The following IL4I1 variants were observed in gnomAD, a reference collection of about 807,000 sequenced individuals.
IL4I1 encodes the protein L-amino-acid oxidase.
A neutral mutation model predicts 29.7 loss-of-function variants in IL4I1; 24 were observed. That is an observed-to-expected ratio of 0.81 (90% confidence interval 0.59 to 1.14). The LOEUF is 1.14. Ranked by LOEUF, IL4I1 falls within the 50% of genes most tolerant of loss-of-function variation. IL4I1 has a pLI of 0.00. For synonymous variants in IL4I1, 371 were observed against 352.5 expected (o/e 1.05, Z -0.59); for missense variants, 686 against 785.6 (o/e 0.87, Z 1.52).
At chr19:49,919,434 C>T (rs1315251310) in intron 2 of IL4I1, among the ~76,000 whole-genome samples, 1 of 152,200 alleles carries the variant, frequency 6.6e-6, no homozygotes, top group East Asian at 1.9e-4. Context: ...TTTAAGCAGG[C>T]TTATTCTCCT....
chr19:49,900,287 G>A (rs1190050050), upstream of IL4I1, among the ~76,000 whole-genome samples: 4 of 152,166 alleles, frequency 2.6e-5, no homozygotes, highest in Admixed American at 2.0e-4. Context: ...GCGCAAGTCA[G>A]CTGGTTCAGG....
intron 2 of IL4I1, among the ~76,000 whole-genome samples, chr19:49,911,737 T>C (rs574182207): frequency 3.3e-5 from 5 of 152,326 alleles, no homozygotes; most frequent in Admixed American, 2.6e-4. Flanking sequence ...GCATTCAAAA[T>C]ACACAAGGCT....
At chr19:49,909,118 G>C (rs1324160680) in intron 2 of IL4I1, 1 of 1,612,560 alleles carries the variant, frequency 6.2e-7, no homozygotes, top group African/African-American at 1.3e-5. Flanking sequence ...TGGCAGATGA[G>C]GTTGGAGCAG....
intron 2 of IL4I1, among the ~76,000 whole-genome samples, chr19:49,913,580 G>A (rs1489787196): frequency 2.0e-5 from 3 of 152,244 alleles, no homozygotes; most frequent in East Asian, 1.9e-4. Flanking sequence ...AGGGAGAACT[G>A]AGCACTGTCC....
At chr19:49,891,760 A>G (rs1442478728) in intron 5 of IL4I1, among the ~76,000 whole-genome samples, 4 of 151,944 alleles carry the variant, frequency 2.6e-5, no homozygotes, top group Non-Finnish European at 2.9e-5. Flanking sequence ...TATTTTGCCT[A>G]TTTTTCAGCC....
intron 5 of IL4I1, among the ~76,000 whole-genome samples, chr19:49,892,429 G>A (rs988609384): frequency 6.6e-6 from 1 of 152,026 alleles, no homozygotes; most frequent in African/African-American, 2.4e-5. Context: ...CACTCTCTTT[G>A]CCCTGAATCT....
In IL4I1 at chr19:49,889,832, C is replaced by G. The variant is rs1319641872; in HGVS notation, c.1542G>C (p.Thr514=). The G allele has an allele frequency of 7.0e-6, 11 of 1,571,072 alleles. No individual in the cohort carries two copies. Among genetic ancestry groups the G allele is most frequent in the Non-Finnish European group, 9.5e-6 (11 of 1,157,844 alleles). The change falls in exon 8 of 8, where the codon ACG becomes ACC. Residue 514 remains threonine (T), a synonymous_variant. Coordinates refer to ENST00000391826, the MANE Select transcript of IL4I1 (RefSeq NM_152899.2). ...INSRKGPASD[T]ASPEGHASDM... The stretch of plus-strand genomic sequence containing the variant: ...CAGATGCGTGCCCCTCGGGGCTGGC[C>G]GTGTCCGATGCAGGCCCCTTCCGGC...
upstream of IL4I1, among the ~76,000 whole-genome samples, chr19:49,897,356 T>C (rs556836032): frequency 8.5e-5 from 13 of 152,216 alleles, no homozygotes; most frequent in South Asian, 1.9e-3. Context: ...ACCCAGAGCC[T>C]CAGTCTCCCC....
At chr19:49,893,441 C>T (rs2075164124) in intron 5 of IL4I1, among the ~76,000 whole-genome samples, 1 of 151,444 alleles carries the variant, frequency 6.6e-6, no homozygotes, top group Non-Finnish European at 1.5e-5. Context: ...CCCGTGACTG[C>T]GGGATGGTGG....
intron 2 of IL4I1, chr19:49,906,718 G>C (rs2075330064): frequency 6.6e-6 from 1 of 152,166 alleles, no homozygotes; most frequent in Admixed American, 6.5e-5. Flanking sequence ...TACTTCATTT[G>C]CTTGCCTGTG....
At chr19:49,922,962 G>A (rs888456500) in intron 2 of IL4I1, among the ~76,000 whole-genome samples, 5 of 152,196 alleles carry the variant, frequency 3.3e-5, no homozygotes, top group Admixed American at 2.6e-4. Context: ...TTTTACTGAT[G>A]AGGTGACCAC....
intron 2 of IL4I1, among the ~76,000 whole-genome samples, chr19:49,926,854 AC>A (rs1342897758): frequency 9.1e-6 from 1 of 109,572 alleles, no homozygotes; most frequent in Non-Finnish European, 1.8e-5. Context: ...AGAAGTAGGT[AC>A]TTTTTTTTTT....
chr19:49,898,739 C>T (rs946219015), upstream of IL4I1, among the ~76,000 whole-genome samples: 2 of 152,102 alleles, frequency 1.3e-5, no homozygotes, highest in African/African-American at 4.8e-5. Flanking sequence ...CGTGGTGGTG[C>T]ACACCTGTAA....
At chr19:49,928,547 T>C (rs1043366304) in intron 1 of IL4I1, 3 of 149,770 alleles carry the variant, frequency 2.0e-5, no homozygotes, top group Admixed American at 2.0e-4. Flanking sequence ...TGAACAGGAA[T>C]GTATGAGTTG....
intron 2 of IL4I1, chr19:49,917,706 C>T (rs1440317787): frequency 6.6e-6 from 1 of 152,226 alleles, no homozygotes; most frequent in Non-Finnish European, 1.5e-5. Flanking sequence ...ACATAACTAC[C>T]CTGCCTGGGG....
In IL4I1 at chr19:49,889,714, G is replaced by A. The variant is rs779352461; in HGVS notation, c.1660C>T (p.Gln554Ter). ...EEGSHPPVQG[Q>*]LSLQNTTHTR... Reference sequence around the variant, plus strand: ...TGGGTCGTGTTTTGGAGAGATAACTGGCCTTGGACTGGAGGGTGGCTGCCT... The same window carrying A: ...TGGGTCGTGTTTTGGAGAGATAACTAGCCTTGGACTGGAGGGTGGCTGCCT... Residue 554 changes from glutamine (Q) to a stop codon, truncating the protein, a stop_gained, in exon 8 of 8, where the codon CAG becomes TAG. Transcript: ENST00000391826. LOFTEE classifies it low-confidence loss of function (END_TRUNC). The A allele has an allele frequency of 2.0e-6, 3 of 1,510,916 alleles. No individual in the cohort carries two copies. In the South Asian group the frequency reaches 4.0e-5, roughly 20 times the overall value. The allele number at this position is 1,510,916 out of a possible 1,614,324, so 93.6% of individuals were successfully genotyped here. A position where few individuals can be genotyped will look rare whatever the true frequency, so the allele number is the denominator to read the frequency against.
intron 2 of IL4I1, among the ~76,000 whole-genome samples, chr19:49,916,879 C>T (rs1459147547): frequency 5.3e-5 from 8 of 152,224 alleles, no homozygotes. Context: ...TGTGATCATG[C>T]CACCATACTT....
chr19:49,907,665 T>C (rs571314916), intron 2 of IL4I1: 5 of 368,984 alleles, frequency 1.4e-5, no homozygotes, highest in Admixed American at 7.7e-5. Context: ...CCCGAGTAGC[T>C]GAGATTGAGA....
chr19:49,907,437 T>TC (rs1258806142), intron 2 of IL4I1: 2 of 421,080 alleles, frequency 4.7e-6, no homozygotes, highest in Non-Finnish European at 9.2e-6. Context: ...CCCGCTCTGT[T>TC]CTATTCACAC....
Sources: allele counts gnomAD v4.1 joint callset (sites outside exome capture counted in the v4.1 genomes callset), GRCh38; gene constraint gnomAD v4.1.1; transcripts MANE v1.5; gene names NCBI Gene and HGNC (gene_info 2026-07-23, HGNC 2026-07-21).